The following PTCH1 variants were observed in gnomAD, a reference collection of about 807,000 sequenced individuals.
The protein encoded by PTCH1 is protein patched homolog 1.
A neutral mutation model predicts 144.6 loss-of-function variants in PTCH1; 14 were observed. That is an observed-to-expected ratio of 0.10 (90% CI 0.06 to 0.15). The LOEUF is 0.15. Among genes scored for constraint, PTCH1 ranks in the 10% least tolerant of loss-of-function variants. The probability of loss-of-function intolerance (pLI) is 1.00; values close to 1 mark genes in which losing one functional copy is unlikely to be tolerated. For synonymous variants in PTCH1, 833 were observed against 793.6 expected, an observed-to-expected ratio of 1.05 and a Z score of -0.83; for missense variants, 1,623 against 1,948.3, an observed-to-expected ratio of 0.83 and a Z score of 3.14.
chr9:95,469,573 G>A (rs1840372777), intron 13 of PTCH1, among the ~76,000 whole-genome samples: 2 of 152,144 alleles, frequency 1.3e-5, no homozygotes, highest in Admixed American at 6.5e-5. Context: ...TGGAAAAAGG[G>A]GTCATCGGAA....
At position 95,476,027 on chromosome 9, in the gene PTCH1, A is replaced by G. The variant is rs776735470; in HGVS notation, c.1728+7T>C. 3.1e-6 allele frequency: 5 copies of G among 1,613,616 alleles called. No homozygotes were observed. The South Asian group carries it at 5.5e-5, about 18-fold the overall frequency. On this transcript the variant is annotated splice_region_variant and intron_variant, in intron 12 of 23. Transcript: ENST00000331920. This position sits in a 1 kb window ranked among gnomAD's most constrained non-coding sequence, Gnocchi z 4.6. ...GATCACCACAGCCTTCATCACCAGAAGCTCACCTGGAGGGAGAACGCCCGC... is the reference window on the plus strand; with the variant it reads ...GATCACCACAGCCTTCATCACCAGAGGCTCACCTGGAGGGAGAACGCCCGC...
intron 23 of PTCH1, 56 bp downstream of exon 23, chr9:95,446,855 G>A (rs1436118841): frequency 6.8e-6 from 11 of 1,609,236 alleles, no homozygotes; most frequent in Non-Finnish European, 8.5e-6. Flanking sequence ...GGAGAACCTT[G>A]TCCTCCTCTT....
intron 10 of PTCH1, 114 bp downstream of exon 10, chr9:95,477,433 C>T (rs1841137903): frequency 7.0e-7 from 1 of 1,426,084 alleles, no homozygotes; most frequent in Admixed American, 1.7e-5. Context: ...GTGGAAAAGG[C>T]TGCAAGACCC....
rs547652424 is a variant in PTCH1 at position 95,449,396 on chromosome 9, C to A, written c.3550-73G>T. 6.5e-7 allele frequency: 1 copy of A among 1,532,586 alleles called. No homozygotes were observed. The highest frequency in any genetic ancestry group is 8.8e-7 in the Non-Finnish European group (1 of 1,142,818). 94.9% of individuals were successfully genotyped at this position (1,532,586 alleles called of 1,614,324 possible). A position where few individuals can be genotyped will look rare whatever the true frequency, so the allele number is the denominator to read the frequency against. On this transcript the variant is annotated intron_variant, in intron 21 of 23. Transcript: ENST00000331920. This position sits in a 1 kb window ranked among gnomAD's most constrained non-coding sequence, Gnocchi z 5.3. Reference sequence around the variant, plus strand: ...CTGGCCACACTCAAAGCTCAAAGCACGGTATTTTTCAGGGGCCTCTGTTCC... The same window carrying A: ...CTGGCCACACTCAAAGCTCAAAGCAAGGTATTTTTCAGGGGCCTCTGTTCC...
At chr9:95,485,624 A>T (rs1841897811) in intron 3 of PTCH1, 61 bp downstream of exon 3, 3 of 1,601,298 alleles carry the variant, frequency 1.9e-6, no homozygotes, top group Non-Finnish European at 2.6e-6. Context: ...GGCCTAAACC[A>T]GCAGCCTTCT....
At chr9:95,478,859 A>G in intron 8 of PTCH1, 141 bp downstream of exon 8, 1 of 1,328,170 alleles carries the variant, frequency 7.5e-7, no homozygotes, top group Non-Finnish European at 1.0e-6. Flanking sequence ...AAAGAAGAGG[A>G]AAAAAGTTTT....
chr9:95,471,302 A>C (rs1337013449), intron 12 of PTCH1, among the ~76,000 whole-genome samples: 1 of 152,208 alleles, frequency 6.6e-6, no homozygotes, highest in Non-Finnish European at 1.5e-5. Flanking sequence ...TGAGTTCCGG[A>C]GAGATGTCTT....
chr9:95,499,425 T>C (rs1312804229), intron 2 of PTCH1, among the ~76,000 whole-genome samples: 2 of 146,018 alleles, frequency 1.4e-5, no homozygotes, highest in Non-Finnish European at 3.0e-5. Context: ...GAGTTCACAC[T>C]AGTAACTGCA....
At chr9:95,459,492 A>C (rs1357761157) in intron 17 of PTCH1, 108 bp downstream of exon 17, 1 of 1,355,392 alleles carries the variant, frequency 7.4e-7, no homozygotes, top group African/African-American at 1.4e-5. Context: ...TTCTGTTTAC[A>C]CTTCTGAACC....
At chr9:95,477,339 A>G (rs1160163013) in intron 10 of PTCH1, among the ~76,000 whole-genome samples, 1 of 152,204 alleles carries the variant, frequency 6.6e-6, no homozygotes, top group Non-Finnish European at 1.5e-5. Flanking sequence ...CTACTAACCA[A>G]TAAGCCCAAC....
At chr9:95,478,978 G>C (rs1317834455) in intron 8 of PTCH1, 22 bp downstream of exon 8, 2 of 1,614,018 alleles carry the variant, frequency 1.2e-6, no homozygotes, top group East Asian at 4.5e-5. Context: ...GAGTCTGCAC[G>C]CCGATTCGAA....
rs113342376 is a variant in PTCH1, at chr9:95,480,734, C to G, written c.747-146G>C. The G allele has an allele frequency of 4.1e-4, 339 of 821,000 alleles. 4 individuals are homozygous for G. The highest frequency in any genetic ancestry group is 3.0e-3 in the Middle Eastern group (10 of 3,340). 50.9% of individuals were successfully genotyped at this position (821,000 alleles called of 1,614,324 possible). ...GACTCTGGCATCAAAACAAATGCTCCTTTCCAGCATATCTGCATAAAAACT... is the reference window on the plus strand; with the variant it reads ...GACTCTGGCATCAAAACAAATGCTCGTTTCCAGCATATCTGCATAAAAACT... On this transcript the variant is annotated intron_variant, in intron 5 of 23. Coordinates refer to ENST00000331920, the MANE Select transcript of PTCH1 (RefSeq NM_000264.5).
In PTCH1 at chr9:95,444,635, T is replaced by C. The variant is rs2136556865; in HGVS notation, c.*1758A>G. On this transcript the variant is annotated 3_prime_UTR_variant, in exon 24 of 24. Coordinates refer to ENST00000331920, the MANE Select transcript of PTCH1 (RefSeq NM_000264.5). The stretch of plus-strand genomic sequence containing the variant: ...TATTTCTGGGGGCCCATTACCTTTC[T>C]GTTAAGATTTCCCAGGTAATTTAAA... 1 of 152,296 alleles carries C rather than the reference T, an allele frequency of 6.6e-6. No homozygotes were observed. Among genetic ancestry groups the C allele is most frequent in the East Asian group, 1.9e-4 (1 of 5,200 alleles). The allele number at this position is 152,296 out of a possible 1,614,324, so 9.4% of individuals were successfully genotyped here.
At chr9:95,446,736 G>A (rs1301340836) in intron 23 of PTCH1, 175 bp downstream of exon 23, 1 of 804,070 alleles carries the variant, frequency 1.2e-6, no homozygotes, top group East Asian at 2.6e-5. Context: ...GTTCCCCAAG[G>A]ATGACAAAGC....
chr9:95,478,291 A>C, intron 8 of PTCH1, 105 bp from the exon 9 acceptor site: 2 of 1,545,950 alleles, frequency 1.3e-6, no homozygotes. Context: ...TTTTTTTCTG[A>C]TGCATTTTTT....
chr9:95,483,711 C>G (rs1033205371), intron 3 of PTCH1: 3 of 152,234 alleles, frequency 2.0e-5, no homozygotes, highest in African/African-American at 7.2e-5. Flanking sequence ...GATGTCTTTC[C>G]TCTCTTTGAG....
At chr9:95,516,559 G>A (rs1844372359) in exon 1 of PTCH1, 2 of 1,547,950 alleles carry the variant, frequency 1.3e-6, no homozygotes, top group South Asian at 1.2e-5. Context: ...TTTTTTCCCT[G>A]GCCCCCCTTT....
At position 95,479,050 on chromosome 9, in the gene PTCH1, C is replaced by T. The variant is rs1841320331; in HGVS notation, c.1165G>A (p.Glu389Lys). The T allele has an allele frequency of 5.0e-6, 8 of 1,614,210 alleles. No individual in the cohort carries two copies. Among genetic ancestry groups the T allele is most frequent in the African/African-American group, 1.3e-5 (1 of 75,046 alleles). The change falls in exon 8 of 24, where the codon GAG becomes AAG. Residue 389 changes from glutamate (E) to lysine (K), a missense_variant. Glu to Lys is a moderately conservative substitution (Grantham distance 56). Coordinates refer to ENST00000331920, the MANE Select transcript of PTCH1 (RefSeq NM_000264.5). ...YEYVSHINWN[E>K]DKAAAILEAW... ...TCCAGGATGGCTGCCGCTTTGTCCT[C>T]GTTCCAGTTGATGTGTGAGACATAC... is the stretch of plus-strand genomic sequence containing the variant.
At chr9:95,468,507 T>C (rs1160331953) in intron 14 of PTCH1, among the ~76,000 whole-genome samples, 4 of 152,220 alleles carry the variant, frequency 2.6e-5, no homozygotes, top group African/African-American at 9.6e-5. Flanking sequence ...AATAATCACA[T>C]TTTTAAACAA....
Sources: gnomAD v4.1 joint callset for allele counts (sites outside exome capture counted in the v4.1 genomes callset) on GRCh38, gnomAD v4.1.1 for gene constraint, Gnocchi (gnomAD v3.1) non-coding constraint, MANE v1.5 for transcripts, NCBI Gene and HGNC (gene_info 2026-07-23, HGNC 2026-07-21) for gene names.